MITF: variants seen among roughly 807,000 people sequenced by gnomAD.
MITF encodes microphthalmia-associated transcription factor.
A neutral mutation model predicts 60.5 loss-of-function variants in MITF; 17 were observed. The observed-to-expected ratio is 0.28, with a 90% CI of 0.19 to 0.42. The LOEUF is 0.42. MITF is among the 10% of genes least tolerant of loss of function. MITF has a pLI of 1.00. For missense variants in MITF, 622 were observed against 683.5 expected (o/e 0.91, Z 1.00); for synonymous variants, 260 against 248.5 (o/e 1.05, Z -0.43).
chr3:69,827,991 G>A (rs1331210493), intron 1 of MITF, among the ~76,000 whole-genome samples: 5 of 152,210 alleles, frequency 3.3e-5, no homozygotes, highest in African/African-American at 9.6e-5. Flanking sequence ...TTCAAAGTAA[G>A]AGTTGACTTC....
chr3:69,867,657 C>T (rs982083841), intron 1 of MITF, among the ~76,000 whole-genome samples: 6 of 151,924 alleles, frequency 3.9e-5, no homozygotes, highest in African/African-American at 1.2e-4. Context: ...GAGATGATGT[C>T]TACTCTTTGT....
At chr3:69,963,953 T>C (rs1217160782) in intron 9 of MITF, among the ~76,000 whole-genome samples, 1 of 150,734 alleles carries the variant, frequency 6.6e-6, no homozygotes, top group Non-Finnish European at 1.5e-5. Context: ...TTACTGAATA[T>C]GTTTCTTTTT....
chr3:69,829,718 G>T (rs1342232150), intron 1 of MITF, among the ~76,000 whole-genome samples: 2 of 152,082 alleles, frequency 1.3e-5, no homozygotes, highest in Non-Finnish European at 2.9e-5. Flanking sequence ...GTGATAGATT[G>T]TTTCCACCTG....
intron 5 of MITF, among the ~76,000 whole-genome samples, chr3:69,944,517 C>T (rs1163903629): frequency 6.6e-6 from 1 of 152,088 alleles, no homozygotes; most frequent in Non-Finnish European, 1.5e-5. Context: ...TTCTTTATCC[C>T]CATACTGGAA....
At chr3:69,929,139 T>A (rs1165730346) in intron 2 of MITF, among the ~76,000 whole-genome samples, 1 of 152,124 alleles carries the variant, frequency 6.6e-6, no homozygotes, top group African/African-American at 2.4e-5. Context: ...CTACAACCCC[T>A]GCCTACACAA....
intron 1 of MITF, among the ~76,000 whole-genome samples, chr3:69,767,507 C>T (rs2062317017): frequency 6.6e-6 from 1 of 152,052 alleles, no homozygotes; most frequent in Non-Finnish European, 1.5e-5. Context: ...GTTGCTGGAA[C>T]CCGGGAGGTG....
intron 1 of MITF, among the ~76,000 whole-genome samples, chr3:69,862,633 C>A (rs915121736): frequency 6.6e-6 from 1 of 152,184 alleles, no homozygotes. Context: ...TATCTCTTTT[C>A]TAACCTGTTC....
At chr3:69,763,528 G>T in intron 1 of MITF, 1 of 1,103,894 alleles carries the variant, frequency 9.1e-7, no homozygotes, top group Non-Finnish European at 1.1e-6. Flanking sequence ...CTGCTGCCAA[G>T]GATCCTGTTA....
chr3:69,945,715 G>C (rs993895268), intron 5 of MITF, among the ~76,000 whole-genome samples: 2 of 152,166 alleles, frequency 1.3e-5, no homozygotes, highest in East Asian at 3.9e-4. Flanking sequence ...CTTTGTGGTG[G>C]GAGACTGTCC....
chr3:69,920,816 CTT>C (rs1389340700), intron 2 of MITF, among the ~76,000 whole-genome samples: 1 of 152,196 alleles, frequency 6.6e-6, no homozygotes, highest in Non-Finnish European at 1.5e-5. Context: ...TGTCTTGTGT[CTT>C]TATTTCTACA....
chr3:69,840,805 G>A (rs1459270984), intron 1 of MITF, among the ~76,000 whole-genome samples: 1 of 150,294 alleles, frequency 6.7e-6, no homozygotes, highest in South Asian at 2.1e-4. Context: ...CTAGGCTGGA[G>A]TGCAGTGCTG....
At chr3:69,942,594 A>G (rs1002242779) in intron 5 of MITF, among the ~76,000 whole-genome samples, 5 of 151,972 alleles carry the variant, frequency 3.3e-5, no homozygotes, top group African/African-American at 1.2e-4. Flanking sequence ...CTTTCTACCC[A>G]TTTAAACCCA....
In MITF at chr3:69,830,813, C is replaced by T. The variant is rs1299063915; in HGVS notation, c.105-48321C>T. 3.9e-5 allele frequency among the ~76,000 whole-genome samples: 6 copies of T among 152,188 alleles called. No individual in the cohort carries two copies. In the East Asian group the frequency reaches 7.7e-4, roughly 20 times the overall value. On this transcript the variant is annotated intron_variant, in intron 1 of 9. Coordinates refer to ENST00000352241, the MANE Select transcript of MITF (RefSeq NM_001354604.2). ...TTGCTCCATGTATACTGCATCCCAT[C>T]GGTTATGGTTTCATGAATCTCATGT...
At chr3:69,941,118 T>G in intron 4 of MITF, 118 bp from the exon 5 acceptor site, 1 of 670,022 alleles carries the variant, frequency 1.5e-6, no homozygotes, top group South Asian at 1.8e-5. Context: ...AGTTACTTCT[T>G]AGAATCTAAC....
intron 8 of MITF, 42 bp downstream of exon 8, chr3:69,956,572 T>C: frequency 6.7e-7 from 1 of 1,502,596 alleles, no homozygotes; most frequent in Non-Finnish European, 9.3e-7. Context: ...ATATTTTTCG[T>C]ACCTGAATGT....
intron 2 of MITF, among the ~76,000 whole-genome samples, chr3:69,921,961 T>C (rs1318822733): frequency 6.6e-6 from 1 of 152,146 alleles, no homozygotes; most frequent in African/African-American, 2.4e-5. Context: ...CCTCCTCACA[T>C]AGTTATGACA....
intron 1 of MITF, among the ~76,000 whole-genome samples, chr3:69,786,914 G>A (rs1200483299): frequency 6.6e-6 from 1 of 152,130 alleles, no homozygotes; most frequent in African/African-American, 2.4e-5. Context: ...TGGTTGGATT[G>A]ACCATAGGCC....
At chr3:69,762,906 G>A in intron 1 of MITF, 1 of 224,690 alleles carries the variant, frequency 4.5e-6, no homozygotes, top group East Asian at 6.4e-5. Flanking sequence ...CTTATTTCCT[G>A]GGGTTGGAGG....
chr3:69,784,214 T>C (rs1173239586), intron 1 of MITF, among the ~76,000 whole-genome samples: 1 of 151,828 alleles, frequency 6.6e-6, no homozygotes. Context: ...CTATTTTCCA[T>C]AGCAAATCTC....
Sources: gnomAD v4.1 joint callset for allele counts (sites outside exome capture counted in the v4.1 genomes callset) on GRCh38, gnomAD v4.1.1 for gene constraint, MANE v1.5 for transcripts, NCBI Gene and HGNC (gene_info 2026-07-23, HGNC 2026-07-21) for gene names.